SLC4A4: variants seen among roughly 807,000 people sequenced by gnomAD.
SLC4A4 encodes solute carrier family 4 member 4.
Under a neutral mutation model 111.5 loss-of-function variants are expected in SLC4A4, and 27 were observed. The observed-to-expected ratio is 0.24, with a 90% CI of 0.18 to 0.33. SLC4A4 has a LOEUF of 0.33. Ranked by LOEUF, SLC4A4 falls within the 10% of genes least tolerant of loss-of-function variation. The pLI is 1.00. For synonymous variants in SLC4A4, 443 were observed against 463.4 expected, an observed-to-expected ratio of 0.96 and a Z score of 0.57; for missense variants, 909 against 1,315.5, an observed-to-expected ratio of 0.69 and a Z score of 4.78.
At chr4:71,179,011 C>G (rs1310353941) in intron 2 of SLC4A4, among the ~76,000 whole-genome samples, 2 of 152,220 alleles carry the variant, frequency 1.3e-5, no homozygotes, top group African/African-American at 4.8e-5. Flanking sequence ...CCACCATGAT[C>G]AAGTGGGCTT....
intron 1 of SLC4A4, among the ~76,000 whole-genome samples, chr4:71,218,271 G>A (rs548640959): frequency 1.1e-4 from 17 of 152,258 alleles, no homozygotes; most frequent in Admixed American, 5.9e-4. Context: ...GACAACATGC[G>A]TATGTAATTT....
intron 3 of SLC4A4, among the ~76,000 whole-genome samples, chr4:71,336,729 A>G (rs971772433): frequency 1.3e-5 from 2 of 152,206 alleles, no homozygotes; most frequent in Non-Finnish European, 2.9e-5. Context: ...CTAGGACATC[A>G]TCATCCTTTT....
intron 2 of SLC4A4, among the ~76,000 whole-genome samples, chr4:71,117,697 TTATCTTTCTAAGG>T (rs1743304905): frequency 6.6e-6 from 1 of 152,164 alleles, no homozygotes; most frequent in African/African-American, 2.4e-5. Context: ...GCATAATGAT[TTATCTTTCTAAGG>T]GTGAACTGCT....
At chr4:71,424,840 G>A (rs976195506) in intron 7 of SLC4A4, among the ~76,000 whole-genome samples, 8 of 152,018 alleles carry the variant, frequency 5.3e-5, no homozygotes, top group Non-Finnish European at 7.4e-5. Flanking sequence ...GGGGACTGTT[G>A]TGGAGTGGCG....
chr4:71,270,213 G>A (rs368858846), intron 3 of SLC4A4, among the ~76,000 whole-genome samples: 1 of 151,990 alleles, frequency 6.6e-6, no homozygotes, highest in East Asian at 1.9e-4. Context: ...TCAGCCTCCC[G>A]AGTAACTGGG....
chr4:71,173,269 A>G (rs777051173), intron 2 of SLC4A4, among the ~76,000 whole-genome samples: 1 of 152,214 alleles, frequency 6.6e-6, no homozygotes, highest in African/African-American at 2.4e-5. Context: ...ATATGTAGGT[A>G]TTGATATCAG....
intron 3 of SLC4A4, among the ~76,000 whole-genome samples, chr4:71,311,888 TGTGAGAGA>T (rs1240655010): frequency 8.0e-3 from 252 of 31,562 alleles, no homozygotes; most frequent in Middle Eastern, 0.019. Context: ...TGTGCAAGGC[TGTGAGAGA>T]GAGAGAGAGA....
chr4:71,419,743 C>G (rs1188649937), intron 7 of SLC4A4, among the ~76,000 whole-genome samples: 1 of 152,202 alleles, frequency 6.6e-6, no homozygotes, highest in Non-Finnish European at 1.5e-5. Context: ...GTGAGATGAA[C>G]CCGGTACCTC....
intron 7 of SLC4A4, among the ~76,000 whole-genome samples, chr4:71,415,558 T>C (rs1166051748): frequency 6.6e-6 from 1 of 152,212 alleles, no homozygotes; most frequent in African/African-American, 2.4e-5. Context: ...TAGGTTAAAC[T>C]TTAAAAAATT....
At chr4:71,246,861 T>C (rs530721962) in intron 2 of SLC4A4, among the ~76,000 whole-genome samples, 2 of 152,280 alleles carry the variant, frequency 1.3e-5, no homozygotes, top group Non-Finnish European at 2.9e-5. Context: ...CTAGTCTCTA[T>C]ACGTCATTAA....
intron 20 of SLC4A4, among the ~76,000 whole-genome samples, chr4:71,553,311 T>C (rs1391409057): frequency 1.3e-5 from 2 of 151,908 alleles, no homozygotes; most frequent in South Asian, 2.1e-4. Context: ...TTTGGTGATA[T>C]CTGTAATAAT....
At chr4:71,382,471 A>G (rs1578970019) in intron 6 of SLC4A4, among the ~76,000 whole-genome samples, 1 of 152,214 alleles carries the variant, frequency 6.6e-6, no homozygotes, top group South Asian at 2.1e-4. Context: ...TTTTCTGAGC[A>G]TCTGTGTACT....
intron 2 of SLC4A4, among the ~76,000 whole-genome samples, chr4:71,239,755 G>T (rs1720060025): frequency 6.6e-6 from 1 of 152,100 alleles, no homozygotes; most frequent in Admixed American, 6.5e-5. Flanking sequence ...GAAACCAAGT[G>T]CCAATTTTAA....
At chr4:71,468,856 G>C (rs767508651) in intron 13 of SLC4A4, among the ~76,000 whole-genome samples, 1 of 151,862 alleles carries the variant, frequency 6.6e-6, no homozygotes, top group Non-Finnish European at 1.5e-5. Flanking sequence ...CTTCAGTTAA[G>C]AACTATTTTA....
At chr4:71,562,887 G>C (rs917967216) in intron 23 of SLC4A4, among the ~76,000 whole-genome samples, 2 of 151,518 alleles carry the variant, frequency 1.3e-5, no homozygotes. Context: ...AATTTTCCAT[G>C]TAGGTAATAG....
chr4:71,517,668 C>T (rs1732534753), intron 16 of SLC4A4, among the ~76,000 whole-genome samples: 1 of 151,850 alleles, frequency 6.6e-6, no homozygotes, highest in Admixed American at 6.6e-5. Context: ...GTCATGTTTC[C>T]TTGATTGTTC....
At chr4:71,064,625 T>TA (rs1272069279) in intron 1 of SLC4A4, among the ~76,000 whole-genome samples, 1 of 152,040 alleles carries the variant, frequency 6.6e-6, no homozygotes, top group Non-Finnish European at 1.5e-5. Flanking sequence ...GAGTAAGAAA[T>TA]ATGTCAGGAC....
At chr4:71,303,773 C>G (rs1266005360) in intron 3 of SLC4A4, among the ~76,000 whole-genome samples, 2 of 151,882 alleles carry the variant, frequency 1.3e-5, no homozygotes, top group African/African-American at 4.8e-5. Flanking sequence ...TCTTCCCCTC[C>G]CTCCCTTTTT....
At chr4:71,565,009 A>G (rs1431026694) in intron 24 of SLC4A4, among the ~76,000 whole-genome samples, 2 of 145,232 alleles carry the variant, frequency 1.4e-5, no homozygotes, top group African/African-American at 2.5e-5. Flanking sequence ...TCTGAAGACT[A>G]TTTTTTTTTT....
Sources: allele counts gnomAD v4.1 joint callset (sites outside exome capture counted in the v4.1 genomes callset), GRCh38; gene constraint gnomAD v4.1.1; transcripts MANE v1.5; gene names NCBI Gene and HGNC (gene_info 2026-07-23, HGNC 2026-07-21).